SYNJ2: variants seen among roughly 807,000 people sequenced by gnomAD.
The protein encoded by SYNJ2 is polyphosphatidylinositol phosphatase SYNJ2.
Under a neutral mutation model 141.3 loss-of-function variants are expected in SYNJ2, and 116 were observed. The observed-to-expected ratio is 0.82, with a 90% CI of 0.71 to 0.96. The LOEUF is 0.96. SYNJ2 is among the 40% of genes least tolerant of loss of function. The pLI is 0.00. For missense variants in SYNJ2, 1,873 were observed against 1,934.8 expected, an observed-to-expected ratio of 0.97 and a Z score of 0.60; for synonymous variants, 745 against 777.7, an observed-to-expected ratio of 0.96 and a Z score of 0.70.
chr6:158,069,856 G>A (rs184303965), intron 14 of SYNJ2, among the ~76,000 whole-genome samples, 183 bp downstream of exon 14: 184 of 152,278 alleles, frequency 1.2e-3, no homozygotes, highest in Middle Eastern at 3.4e-3. Context: ...ATTGTCTAGC[G>A]ATTAAAAAGC....
Position 158,066,501 on chromosome 6 carries a change from A to T in SYNJ2, c.1583A>T (p.Lys528Met). 6.2e-7 allele frequency: 1 copy of T among 1,614,170 alleles called. No individual in the cohort carries two copies. The highest frequency in any genetic ancestry group is 8.5e-7 in the Non-Finnish European group (1 of 1,180,030). ...TERQSEFTNF[K>M]RIRIAMGTWN... ...CGTCAGTCCGAATTCACAAATTTCA[A>T]GCGGATCCGGATTGCTATGGGGACC... Residue 528 changes from lysine (K) to methionine (M), a missense_variant, in exon 12 of 27, where the codon AAG (lysine) becomes ATG (methionine). Physicochemically the swap from Lys to Met is moderately conservative, Grantham distance 95 (BLOSUM62 -1). Transcript: ENST00000355585.
At chr6:158,051,696 C>T (rs570395070) in intron 5 of SYNJ2, among the ~76,000 whole-genome samples, 13 of 151,352 alleles carry the variant, frequency 8.6e-5, no homozygotes, top group Non-Finnish European at 1.8e-4. Flanking sequence ...CCTGTAATCT[C>T]AGTACTTTGA....
At chr6:158,082,664 A>G (rs1782774192) in intron 20 of SYNJ2, among the ~76,000 whole-genome samples, 1 of 152,102 alleles carries the variant, frequency 6.6e-6, no homozygotes, top group Non-Finnish European at 1.5e-5. Context: ...TGTCTCAAAA[A>G]ACCAAACAAA....
rs568552174 is a variant in SYNJ2, at chr6:158,040,559, A to G, written c.712-2757A>G. 1.3e-5 allele frequency among the ~76,000 whole-genome samples: 2 copies of G among 152,206 alleles called. No homozygotes were observed. The highest frequency in any genetic ancestry group is 1.3e-4 in the Admixed American group (2 of 15,290). Reference sequence around the variant, plus strand: ...AAAAAAAAAAAAGGATGTAAGATAAATATTTGGCTATTCAAGATAAGGCCA... The same window carrying G: ...AAAAAAAAAAAAGGATGTAAGATAAGTATTTGGCTATTCAAGATAAGGCCA... On this transcript the variant is annotated intron_variant, in intron 4 of 26. Coordinates refer to ENST00000355585, the MANE Select transcript of SYNJ2 (RefSeq NM_003898.4). The surrounding 1 kb of genome is among the most constrained non-coding windows in gnomAD (Gnocchi z 4.2).
At chr6:158,034,087 T>C (rs1258674362) in intron 4 of SYNJ2, among the ~76,000 whole-genome samples, 1 of 152,176 alleles carries the variant, frequency 6.6e-6, no homozygotes, top group African/African-American at 2.4e-5. Flanking sequence ...CATTATTTTT[T>C]ATTCTAAATC....
chr6:158,087,017 T>C (rs759726218), intron 23 of SYNJ2, 28 bp downstream of exon 23: 1 of 1,498,698 alleles, frequency 6.7e-7, no homozygotes, highest in Non-Finnish European at 9.0e-7. Context: ...TTCAGCTCCC[T>C]GGATGCCTGC....
At position 158,028,991 on chromosome 6, in the gene SYNJ2, G is replaced by GT. The variant is rs1562337535; in HGVS notation, c.450_451insT (p.Asp151Ter). ...TGACTGTCCGCACGCAGAAGCAGGG[G>GT]GATGACAGCTCTGAATGGGGGAACT... On this transcript the variant is annotated frameshift_variant, in exon 3 of 27. Coordinates refer to ENST00000355585, the MANE Select transcript of SYNJ2 (RefSeq NM_003898.4). LOFTEE classifies it high-confidence loss of function. 6 of 1,601,586 alleles carry GT rather than the reference G, an allele frequency of 3.7e-6. No homozygotes were observed. The highest frequency in any genetic ancestry group is 5.1e-6 in the Non-Finnish European group (6 of 1,176,202).
At chr6:157,996,073 G>C (rs573984722) in intron 1 of SYNJ2, among the ~76,000 whole-genome samples, 16 of 152,156 alleles carry the variant, frequency 1.1e-4, no homozygotes, top group East Asian at 1.9e-4. Context: ...ATTCCAACAA[G>C]AGCCTGGTCT....
At position 158,096,588 on chromosome 6, in the gene SYNJ2, C is replaced by T; in HGVS notation, c.*224C>T. On this transcript the variant is annotated 3_prime_UTR_variant, in exon 27 of 27. Transcript: ENST00000355585. ...GCTTGTACATCTGAAGTTTGCTCTT[C>T]AAGGAATGGGAACCTTCCTGTTAAA... 1 of 447,312 alleles carries T rather than the reference C, an allele frequency of 2.2e-6. No homozygotes were observed. Among genetic ancestry groups the T allele is most frequent in the Admixed American group, 4.1e-5 (1 of 24,526 alleles). 27.7% of individuals were successfully genotyped at this position (447,312 alleles called of 1,614,324 possible).
At chr6:158,077,214 G>A (rs57350466) in intron 17 of SYNJ2, among the ~76,000 whole-genome samples, 1 of 152,026 alleles carries the variant, frequency 6.6e-6, no homozygotes, top group Non-Finnish European at 1.5e-5. Flanking sequence ...GGCTGGTCTT[G>A]AACTCCCAAC....
chr6:158,070,532 GGGGTGA>G lies in SYNJ2; in HGVS notation c.1940+867_1940+872del. On this transcript the variant is annotated intron_variant, in intron 14 of 26. Coordinates refer to ENST00000355585, the MANE Select transcript of SYNJ2 (RefSeq NM_003898.4). The surrounding 1 kb of genome is among the most constrained non-coding windows in gnomAD (Gnocchi z 4.0). ...GTTAGTAAAGGTTAAAGGCAAGGGC[GGGGTGA>G]GGGTGAGAGGTAAAGCATTTGAGAA... 1 of 984,404 alleles carries G rather than the reference GGGGTGA, an allele frequency of 1.0e-6. No individual in the cohort carries two copies. Among genetic ancestry groups the G allele is most frequent in the Non-Finnish European group, 1.2e-6 (1 of 829,028 alleles). The allele number at this position is 984,404 out of a possible 1,614,324, so 61.0% of individuals were successfully genotyped here.
intron 5 of SYNJ2, among the ~76,000 whole-genome samples, chr6:158,047,594 T>A (rs150335102): frequency 6.6e-6 from 1 of 151,224 alleles, no homozygotes; most frequent in African/African-American, 2.4e-5. Flanking sequence ...CTGGCCAACA[T>A]GGTGAAATCC....
chr6:158,071,722 G>A lies in SYNJ2; in HGVS notation c.2061G>A (p.Thr687=), dbSNP rs146873072. The part of the protein sequence containing the change: ...TSFCFICSHL[T]AGQSQVKERN... ...TCTGCTTCATATGTAGTCACCTGACGGCCGGGCAGTCCCAGGTGAAGGAGC... is the reference window on the plus strand; with the variant it reads ...TCTGCTTCATATGTAGTCACCTGACAGCCGGGCAGTCCCAGGTGAAGGAGC... Residue 687 remains threonine, a synonymous_variant, in exon 15 of 27, where the codon ACG becomes ACA. Transcript: ENST00000355585. This position sits in a 1 kb window ranked among gnomAD's most constrained non-coding sequence, Gnocchi z 4.3. 7.4e-6 allele frequency: 12 copies of A among 1,613,948 alleles called. No individual in the cohort carries two copies. The highest frequency in any genetic ancestry group is 6.7e-5 in the Admixed American group (4 of 60,002).
intron 8 of SYNJ2, among the ~76,000 whole-genome samples, chr6:158,063,050 A>G (rs377229428): frequency 3.3e-5 from 5 of 152,210 alleles, no homozygotes; most frequent in African/African-American, 4.8e-5. Context: ...TATATATTCA[A>G]TAAGGTGTCT....
At chr6:157,998,640 A>T (rs886670210) in intron 1 of SYNJ2, among the ~76,000 whole-genome samples, 1 of 152,244 alleles carries the variant, frequency 6.6e-6, no homozygotes, top group African/African-American at 2.4e-5. Context: ...GTGTAAAAAA[A>T]CAACTTTCAA....
At chr6:158,017,006 G>T in intron 1 of SYNJ2, 198 bp from the exon 2 acceptor site, 1 of 1,278,084 alleles carries the variant, frequency 7.8e-7, no homozygotes. Flanking sequence ...CAAGCTGTTG[G>T]TGGGAAGGTC....
chr6:158,017,076 G>A, intron 1 of SYNJ2, 128 bp from the exon 2 acceptor site: 1 of 1,395,614 alleles, frequency 7.2e-7, no homozygotes, highest in Non-Finnish European at 9.3e-7. Context: ...GTGTTTGTGG[G>A]CCGAGCTATT....
chr6:158,090,015 G>T, intron 25 of SYNJ2, 68 bp downstream of exon 25: 1 of 1,127,136 alleles, frequency 8.9e-7, no homozygotes, highest in African/African-American at 1.6e-5. Flanking sequence ...TGCTAAAAGT[G>T]GTCTAGAAAC....
At chr6:158,055,580 A>G (rs1468282978) in intron 6 of SYNJ2, among the ~76,000 whole-genome samples, 1 of 151,832 alleles carries the variant, frequency 6.6e-6, no homozygotes, top group African/African-American at 2.4e-5. Context: ...ACTGTTTTGC[A>G]GCTTGCTTAA....
Sources: gnomAD v4.1 joint callset for allele counts (sites outside exome capture counted in the v4.1 genomes callset) on GRCh38, gnomAD v4.1.1 for gene constraint, Gnocchi (gnomAD v3.1) non-coding constraint, MANE v1.5 for transcripts, NCBI Gene and HGNC (gene_info 2026-07-23, HGNC 2026-07-21) for gene names.